The following SATB1 variants were observed in gnomAD, a reference collection of about 807,000 sequenced individuals.
SATB1 encodes SATB homeobox 1, also known as DNA-binding protein SATB1.
Under a neutral mutation model 86.9 loss-of-function variants are expected in SATB1, and 11 were observed. The ratio of observed to expected loss-of-function variants is 0.13; its 90% CI spans 0.08 to 0.21. The LOEUF (loss-of-function observed/expected upper bound fraction) is 0.21. Ranked by LOEUF, SATB1 falls within the 10% of genes least tolerant of loss-of-function variation. The pLI, the probability that SATB1 is intolerant of heterozygous loss-of-function variation, is 1.00. For synonymous variants in SATB1, 357 were observed against 357.2 expected, an observed-to-expected ratio of 1.00 and a Z score of 0.01; for missense variants, 551 against 937.6, an observed-to-expected ratio of 0.59 and a Z score of 5.39.
At chr3:18,403,843 C>T (rs1369703122) in intron 5 of SATB1, among the ~76,000 whole-genome samples, 6 of 151,942 alleles carry the variant, frequency 3.9e-5, no homozygotes, top group African/African-American at 9.7e-5. Context: ...AAACTACTGG[C>T]TTTTATTATA....
chr3:18,392,717 G>A (rs1335921834), intron 7 of SATB1, among the ~76,000 whole-genome samples: 3 of 151,622 alleles, frequency 2.0e-5, no homozygotes, highest in Non-Finnish European at 2.9e-5. Flanking sequence ...GGCCTAGTAC[G>A]GAGAATTATT....
At chr3:18,373,035 C>G (rs574159694) in intron 9 of SATB1, among the ~76,000 whole-genome samples, 235 of 152,344 alleles carry the variant, frequency 1.5e-3, no homozygotes, top group Non-Finnish European at 2.3e-3. Context: ...CTCACAAATA[C>G]TTCTCTTGCC....
chr3:18,408,884 T>C (rs1246068564), intron 5 of SATB1: 1 of 151,990 alleles, frequency 6.6e-6, no homozygotes, highest in Non-Finnish European at 1.5e-5. Context: ...TTGTTTAAGT[T>C]GTTTTTTAAA....
chr3:18,396,476 C>A (rs960181896), intron 6 of SATB1, among the ~76,000 whole-genome samples: 1 of 152,174 alleles, frequency 6.6e-6, no homozygotes, highest in African/African-American at 2.4e-5. Context: ...ACAAACTCAA[C>A]AGAGAGAAAA....
In SATB1 at chr3:18,366,603, T is replaced by C. The variant is rs374739379; in HGVS notation, c.1575+11567A>G. Among the ~76,000 whole-genome samples, 149 of 152,246 alleles carry C rather than the reference T, an allele frequency of 9.8e-4. 1 individual carries two copies. The East Asian group carries it at 0.017, about 18-fold the overall frequency. On this transcript the variant is annotated intron_variant, in intron 9 of 10. Coordinates refer to ENST00000338745, the MANE Select transcript of SATB1 (RefSeq NM_002971.6). ...CTAGCAATCACCACCCTACCACATA[T>C]TAAACCAAGCCCATTCCCCAATGGA...
At chr3:18,411,671 T>A (rs1262668969) in intron 5 of SATB1, among the ~76,000 whole-genome samples, 1 of 151,952 alleles carries the variant, frequency 6.6e-6, no homozygotes, top group African/African-American at 2.4e-5. Context: ...GAATGCACCA[T>A]CCAACTTATC....
At chr3:18,418,539 A>T (rs1698231161) in intron 2 of SATB1, among the ~76,000 whole-genome samples, 1 of 152,220 alleles carries the variant, frequency 6.6e-6, no homozygotes, top group African/African-American at 2.4e-5. Flanking sequence ...TCATTCATTC[A>T]GCTGTTTTAT....
Position 18,444,738 on chromosome 3 carries a change from C to T in SATB1, c.-25+780G>A. On this transcript the variant is annotated intron_variant, in intron 1 of 3. Transcript: ENST00000415069. The surrounding 1 kb of genome is among the most constrained non-coding windows in gnomAD (Gnocchi z 5.1). The stretch of plus-strand genomic sequence containing the variant: ...CTGCCTCTCCTGCCGCCGCCGCCGC[C>T]GCCGGAGCTGCGGCTGCCGCGGAAG... 6 of 770,204 alleles carry T rather than the reference C, an allele frequency of 7.8e-6. No homozygotes were observed. Among genetic ancestry groups the T allele is most frequent in the Non-Finnish European group, 9.5e-6 (6 of 633,832 alleles). The allele number at this position is 770,204 out of a possible 1,614,324, so 47.7% of individuals were successfully genotyped here. A position where few individuals can be genotyped will look rare whatever the true frequency, so the allele number is the denominator to read the frequency against.
chr3:18,375,195 G>A (rs1695682399), intron 9 of SATB1, among the ~76,000 whole-genome samples: 1 of 152,182 alleles, frequency 6.6e-6, no homozygotes, highest in Non-Finnish European at 1.5e-5. Context: ...GTACTTCAGT[G>A]ATGATGCTGC....
At chr3:18,364,663 C>T (rs892353366) in intron 9 of SATB1, among the ~76,000 whole-genome samples, 1 of 151,570 alleles carries the variant, frequency 6.6e-6, no homozygotes, top group Non-Finnish European at 1.5e-5. Context: ...TTCCTCTTAC[C>T]CCACATAAAC....
rs761051718 is a variant in SATB1 at position 18,386,431 on chromosome 3, G to T, written c.1387C>A (p.Leu463Ile). ...GGACGGCTGGGTGGTGTGCTGATGA[G>T]GGGGGCAGGACCCATGGCCGAGGCA... Reference protein sequence around the residue: ...NAASAMGPAPLISTPPSRPPQ... With the variant: ...NAASAMGPAPIISTPPSRPPQ... The change falls in exon 8 of 11, where the codon CTC becomes ATC. Residue 463 changes from leucine to isoleucine, a missense_variant. By Grantham distance (5) the Leu-to-Ile change is conservative. Transcript: ENST00000338745. This position sits in a 1 kb window ranked among gnomAD's most constrained non-coding sequence, Gnocchi z 4.5. The T allele has an allele frequency of 1.2e-6, 2 of 1,613,894 alleles. No individual in the cohort carries two copies. The highest frequency in any genetic ancestry group is 1.7e-6 in the Non-Finnish European group (2 of 1,179,962).
upstream of SATB1, among the ~76,000 whole-genome samples, chr3:18,428,879 T>G (rs1698799450): frequency 6.6e-6 from 1 of 152,228 alleles, no homozygotes; most frequent in Admixed American, 6.5e-5. Flanking sequence ...GAATAGCACA[T>G]ACATTTGTAA....
Position 18,444,750 on chromosome 3 carries a change from G to C in SATB1, c.-25+768C>G. The C allele has an allele frequency of 1.5e-6, 1 of 654,568 alleles. No homozygotes were observed. Among genetic ancestry groups the C allele is most frequent in the African/African-American group, 2.0e-5 (1 of 50,530 alleles). 40.5% of individuals were successfully genotyped at this position (654,568 alleles called of 1,614,324 possible). ...CCGCCGCCGCCGCCGCCGGAGCTGC[G>C]GCTGCCGCGGAAGTTAATTGCAACT... is the stretch of plus-strand genomic sequence containing the variant. On this transcript the variant is annotated intron_variant, in intron 1 of 3. Coordinates refer to the SATB1 transcript ENST00000415069. This position sits in a 1 kb window ranked among gnomAD's most constrained non-coding sequence, Gnocchi z 5.1.
intron 5 of SATB1, among the ~76,000 whole-genome samples, chr3:18,407,361 A>G (rs1295242691): frequency 1.3e-5 from 2 of 152,072 alleles, no homozygotes; most frequent in African/African-American, 2.4e-5. Flanking sequence ...TTCACAAATG[A>G]AAAGTATTTG....
At chr3:18,426,664 C>G (rs1698715357), upstream of SATB1, among the ~76,000 whole-genome samples, 1 of 152,044 alleles carries the variant, frequency 6.6e-6, no homozygotes, top group South Asian at 2.1e-4. This position sits in a 1 kb window ranked among gnomAD's most constrained non-coding sequence, Gnocchi z 4.2. Flanking sequence ...GGCAGTTAAT[C>G]ATTAACAAAA....
chr3:18,418,817 T>C (rs1698243537), intron 2 of SATB1, among the ~76,000 whole-genome samples: 1 of 152,230 alleles, frequency 6.6e-6, no homozygotes, highest in Admixed American at 6.5e-5. Context: ...TTAGTAATTT[T>C]GTTATTTGGA....
upstream of SATB1, among the ~76,000 whole-genome samples, chr3:18,441,667 C>T (rs542106117): frequency 2.6e-5 from 4 of 152,230 alleles, 1 homozygote; most frequent in East Asian, 7.7e-4. Flanking sequence ...GCTGTATATC[C>T]ATGTTGTGTT....
intron 5 of SATB1, among the ~76,000 whole-genome samples, chr3:18,403,247 C>A (rs940740322): frequency 6.6e-6 from 1 of 152,092 alleles, no homozygotes; most frequent in African/African-American, 2.4e-5. Flanking sequence ...TCCTTTTACA[C>A]ACAGTGCTTG....
upstream of SATB1, among the ~76,000 whole-genome samples, chr3:18,427,733 CATG>C (rs1261466429): frequency 6.6e-6 from 1 of 152,068 alleles, no homozygotes; most frequent in Non-Finnish European, 1.5e-5. Context: ...AAACACAAAA[CATG>C]AAAGTATGTA....
Sources: allele counts gnomAD v4.1 joint callset (sites outside exome capture counted in the v4.1 genomes callset), GRCh38; gene constraint gnomAD v4.1.1; non-coding constraint Gnocchi (gnomAD v3.1); transcripts MANE v1.5; gene names NCBI Gene and HGNC (gene_info 2026-07-23, HGNC 2026-07-21).